The following RPS6KC1 variants were observed in gnomAD, a reference collection of about 807,000 sequenced individuals.
RPS6KC1 encodes inactive ribosomal protein S6 kinase delta-1.
In RPS6KC1, 54 loss-of-function variants were observed where a neutral mutation model predicts 103.8. The observed-to-expected ratio is 0.52, with a 90% CI of 0.42 to 0.65. The LOEUF is 0.65. Among genes scored for constraint, RPS6KC1 ranks in the 30% least tolerant of loss-of-function variants. RPS6KC1 has a pLI of 0.00. For missense variants in RPS6KC1, 1,151 were observed against 1,253.8 expected, an observed-to-expected ratio of 0.92 and a Z score of 1.24; for synonymous variants, 439 against 438.7, an observed-to-expected ratio of 1.00 and a Z score of -0.01.
chr1:213,538,303 T>C, the RPS6KC1 span, among the ~76,000 whole-genome samples: 1 of 152,198 alleles, frequency 6.6e-6, no homozygotes, highest in Admixed American at 6.5e-5. Context: ...TTAGGATTTT[T>C]GATTATGACT....
the RPS6KC1 span, among the ~76,000 whole-genome samples, chr1:213,382,627 C>G: frequency 6.6e-6 from 1 of 151,508 alleles, no homozygotes; most frequent in South Asian, 2.1e-4. Flanking sequence ...CCTCTCACCT[C>G]TCCAGCTCAG....
the RPS6KC1 span, among the ~76,000 whole-genome samples, chr1:213,804,492 T>TTTAGA: frequency 6.6e-6 from 1 of 152,336 alleles, no homozygotes; most frequent in Admixed American, 6.5e-5. Flanking sequence ...GTGTGGTTGA[T>TTTAGA]TTAGATTCCT....
the RPS6KC1 span, among the ~76,000 whole-genome samples, chr1:213,845,658 G>C: frequency 3.3e-5 from 5 of 152,098 alleles, no homozygotes; most frequent in South Asian, 2.1e-4. Flanking sequence ...CTTTTGATAG[G>C]TACTAGATAT....
chr1:213,431,647 T>TTGTGTGTGTGTG, the RPS6KC1 span, among the ~76,000 whole-genome samples: 2 of 127,710 alleles, frequency 1.6e-5, no homozygotes, highest in African/African-American at 5.7e-5. Flanking sequence ...ATTCCATTGT[T>TTGTGTGTGTGTG]TGTGTGTATG....
intron 3 of RPS6KC1, among the ~76,000 whole-genome samples, chr1:213,092,199 C>T (rs1459596432): frequency 6.6e-6 from 1 of 152,182 alleles, no homozygotes; most frequent in Non-Finnish European, 1.5e-5. Flanking sequence ...CAGGGATCAT[C>T]TGCAGTCTGT....
the RPS6KC1 span, among the ~76,000 whole-genome samples, chr1:213,496,692 A>C: frequency 6.6e-6 from 1 of 152,070 alleles, no homozygotes; most frequent in African/African-American, 2.4e-5. Context: ...CAGGAGGCGG[A>C]GGTTTCAGTG....
chr1:213,586,397 G>C, the RPS6KC1 span, among the ~76,000 whole-genome samples: 94 of 152,348 alleles, frequency 6.2e-4, no homozygotes, highest in African/African-American at 2.1e-3. Flanking sequence ...AAATCTGGGA[G>C]CCTGTAAAAA....
the RPS6KC1 span, among the ~76,000 whole-genome samples, chr1:213,433,063 C>T: frequency 6.6e-6 from 1 of 152,146 alleles, no homozygotes; most frequent in Non-Finnish European, 1.5e-5. Flanking sequence ...GTCTCACTGG[C>T]CTAAGATCAA....
At chr1:213,750,369 C>A in the RPS6KC1 span, among the ~76,000 whole-genome samples, 2 of 152,228 alleles carry the variant, frequency 1.3e-5, no homozygotes, top group South Asian at 2.1e-4. Context: ...CTGGAGTTAT[C>A]CCCCTCTCTG....
chr1:213,408,546 A>C, the RPS6KC1 span, among the ~76,000 whole-genome samples: 1 of 152,232 alleles, frequency 6.6e-6, no homozygotes, highest in Non-Finnish European at 1.5e-5. Context: ...CTTTAAGCCG[A>C]AACTGAGGTA....
chr1:213,179,400 G>A (rs1000422346), intron 8 of RPS6KC1, among the ~76,000 whole-genome samples: 2 of 150,730 alleles, frequency 1.3e-5, no homozygotes, highest in Admixed American at 1.3e-4. Flanking sequence ...GGGCAACAGA[G>A]CCAGACCCTG....
At chr1:213,157,344 C>G (rs763285384) in intron 6 of RPS6KC1, among the ~76,000 whole-genome samples, 22 of 151,928 alleles carry the variant, frequency 1.4e-4, no homozygotes, top group Non-Finnish European at 2.8e-4. Flanking sequence ...GTAGCTGGGA[C>G]TACAAGTGCC....
At chr1:213,104,743 C>CTTT (rs1340531256) in intron 4 of RPS6KC1, among the ~76,000 whole-genome samples, 174 bp downstream of exon 4, 2 of 134,338 alleles carry the variant, frequency 1.5e-5, no homozygotes, top group African/African-American at 5.5e-5. Flanking sequence ...GAAATTTATG[C>CTTT]TTTTTTTTTT....
chr1:213,337,966 T>C, the RPS6KC1 span, among the ~76,000 whole-genome samples: 2 of 152,122 alleles, frequency 1.3e-5, no homozygotes, highest in African/African-American at 4.8e-5. Flanking sequence ...GCTGTGTGCA[T>C]GTGTAGGAGT....
At chr1:213,308,438 T>C in the RPS6KC1 span, among the ~76,000 whole-genome samples, 1 of 152,148 alleles carries the variant, frequency 6.6e-6, no homozygotes. Context: ...GTAATAAATA[T>C]GGTAAGTCTA....
chr1:213,647,107 C>T, the RPS6KC1 span, among the ~76,000 whole-genome samples: 26 of 151,928 alleles, frequency 1.7e-4, no homozygotes, highest in East Asian at 3.9e-4. Context: ...GACAAAGGTT[C>T]GCCACGTTGG....
chr1:213,842,293 A>G, the RPS6KC1 span: 1 of 152,294 alleles, frequency 6.6e-6, no homozygotes, highest in African/African-American at 2.4e-5. Context: ...ACAAACCATC[A>G]ATAAATACAT....
the RPS6KC1 span, among the ~76,000 whole-genome samples, chr1:213,343,060 A>G: frequency 6.6e-6 from 1 of 152,130 alleles, no homozygotes; most frequent in Non-Finnish European, 1.5e-5. Flanking sequence ...TGTAGTTGAA[A>G]TACAAGACAA....
At chr1:213,428,336 G>A in the RPS6KC1 span, among the ~76,000 whole-genome samples, 2 of 152,016 alleles carry the variant, frequency 1.3e-5, no homozygotes, top group African/African-American at 4.8e-5. Context: ...ATTCTCCAGA[G>A]GCTGATATGA....
Sources: gnomAD v4.1 joint callset for allele counts (sites outside exome capture counted in the v4.1 genomes callset) on GRCh38, gnomAD v4.1.1 for gene constraint, MANE v1.5 for transcripts, NCBI Gene and HGNC (gene_info 2026-07-23, HGNC 2026-07-21) for gene names.